XKR9: variants seen among roughly 807,000 people sequenced by gnomAD.
The protein encoded by XKR9 is XK-related protein 9.
In XKR9, 32 loss-of-function variants were observed where a neutral mutation model predicts 32.0. That is an observed-to-expected ratio of 1.00 (90% confidence interval 0.76 to 1.34). The LOEUF is 1.34. XKR9 is among the 40% of genes most tolerant of loss of function. The probability of loss-of-function intolerance (pLI) is 0.00; values close to 1 mark genes in which losing one functional copy is unlikely to be tolerated. For synonymous variants in XKR9, 168 were observed against 143.4 expected, an observed-to-expected ratio of 1.17 and a Z score of -1.22; for missense variants, 546 against 429.7, an observed-to-expected ratio of 1.27 and a Z score of -2.39.
At chr8:70,715,236 T>TA (rs1270885860) in intron 4 of XKR9, among the ~76,000 whole-genome samples, 1 of 152,220 alleles carries the variant, frequency 6.6e-6, no homozygotes, top group Non-Finnish European at 1.5e-5. Flanking sequence ...ATGCTTAAAC[T>TA]AAATGTAGTC....
the XKR9 span, among the ~76,000 whole-genome samples, chr8:70,858,743 C>T: frequency 6.6e-6 from 1 of 152,002 alleles, no homozygotes; most frequent in African/African-American, 2.4e-5. Flanking sequence ...GTATCAAGAA[C>T]ATACAGTGGG....
At chr8:70,673,776 A>G (rs574770330) in intron 1 of XKR9, among the ~76,000 whole-genome samples, 1 of 151,556 alleles carries the variant, frequency 6.6e-6, no homozygotes, top group South Asian at 2.1e-4. Flanking sequence ...AAAAAAAAAA[A>G]GATACAAAAT....
chr8:70,854,467 T>C, the XKR9 span, among the ~76,000 whole-genome samples: 1 of 152,220 alleles, frequency 6.6e-6, no homozygotes, highest in African/African-American at 2.4e-5. Flanking sequence ...TCTCATTTTG[T>C]AGGTTGCCTG....
the XKR9 span, among the ~76,000 whole-genome samples, chr8:71,027,825 T>C: frequency 2.0e-5 from 3 of 148,968 alleles, no homozygotes; most frequent in African/African-American, 7.4e-5. Flanking sequence ...AGGGCAGTGG[T>C]GTGATCAATC....
chr8:70,878,906 T>A, the XKR9 span, among the ~76,000 whole-genome samples: 1 of 152,180 alleles, frequency 6.6e-6, no homozygotes, highest in South Asian at 2.1e-4. Context: ...TAGTTGGAAG[T>A]AAAGCACTCC....
At chr8:70,957,988 A>G in the XKR9 span, among the ~76,000 whole-genome samples, 2 of 151,838 alleles carry the variant, frequency 1.3e-5, no homozygotes, top group African/African-American at 2.4e-5. Flanking sequence ...AGCTTCCACC[A>G]TGTTGGCCAG....
the XKR9 span, among the ~76,000 whole-genome samples, chr8:70,904,688 G>A: frequency 2.6e-5 from 4 of 152,150 alleles, no homozygotes; most frequent in Non-Finnish European, 5.9e-5. Flanking sequence ...TATTTTGCCT[G>A]TTAGTTGATG....
chr8:70,984,674 A>G, the XKR9 span, among the ~76,000 whole-genome samples: 1 of 152,176 alleles, frequency 6.6e-6, no homozygotes, highest in Non-Finnish European at 1.5e-5. Context: ...CTTAGTGTTG[A>G]CCTCATTTGC....
At chr8:70,781,272 G>T (rs184468147) in intron 2 of XKR9, among the ~76,000 whole-genome samples, 3 of 152,014 alleles carry the variant, frequency 2.0e-5, no homozygotes, top group Non-Finnish European at 2.9e-5. Context: ...TGGGTTATTT[G>T]TCTCTTTATT....
intron 2 of XKR9, among the ~76,000 whole-genome samples, chr8:70,776,751 G>A (rs1318554051): frequency 6.6e-6 from 1 of 151,624 alleles, no homozygotes; most frequent in East Asian, 1.9e-4. Flanking sequence ...CAGCATAATT[G>A]TCACCTCGTC....
chr8:70,880,559 T>C, the XKR9 span, among the ~76,000 whole-genome samples: 2 of 152,074 alleles, frequency 1.3e-5, no homozygotes, highest in East Asian at 1.9e-4. Context: ...GGAATCCAAC[T>C]TACAAGGAAT....
chr8:70,849,202 A>T, the XKR9 span, among the ~76,000 whole-genome samples: 5 of 152,104 alleles, frequency 3.3e-5, no homozygotes, highest in Admixed American at 1.3e-4. Context: ...GAAGTAAAAC[A>T]CTCCTCAGCA....
At chr8:70,991,191 G>A in the XKR9 span, among the ~76,000 whole-genome samples, 1 of 152,070 alleles carries the variant, frequency 6.6e-6, no homozygotes, top group Non-Finnish European at 1.5e-5. Context: ...TTGCTGCAGG[G>A]AAATAATCCC....
At chr8:70,696,810 C>T (rs1586825198) in intron 3 of XKR9, among the ~76,000 whole-genome samples, 2 of 151,696 alleles carry the variant, frequency 1.3e-5, no homozygotes, top group African/African-American at 4.8e-5. Flanking sequence ...TCTTCCTATC[C>T]ATGAGCATGG....
chr8:70,965,266 C>G, the XKR9 span, among the ~76,000 whole-genome samples: 2 of 152,058 alleles, frequency 1.3e-5, no homozygotes, highest in Non-Finnish European at 2.9e-5. Flanking sequence ...TTTGTGTATG[C>G]TGAATCAACC....
chr8:70,734,334 C>A lies in XKR9; in HGVS notation c.1032C>A (p.His344Gln), dbSNP rs1442202452. The change falls in exon 5 of 5, where the codon CAC becomes CAA. Residue 344 changes from histidine (H) to glutamine (Q), a missense_variant. Physicochemically the swap from His to Gln is conservative, Grantham distance 24. Transcript: ENST00000408926. The part of the protein sequence containing the change: ...LFLIVYYGSF[H>Q]PNRSAETKCD... ...TTATTGTTTATTATGGGAGTTTTCA[C>A]CCAAACAGAAGTGCAGAAACAAAAT... The A allele has an allele frequency of 2.5e-6, 4 of 1,611,802 alleles. No individual in the cohort carries two copies. Among genetic ancestry groups the A allele is most frequent in the Non-Finnish European group, 3.4e-6 (4 of 1,179,438 alleles).
chr8:71,034,561 A>T, the XKR9 span, among the ~76,000 whole-genome samples: 3 of 152,182 alleles, frequency 2.0e-5, no homozygotes, highest in African/African-American at 7.2e-5. Context: ...TAAGAATCTG[A>T]TTAGTCTAAG....
chr8:70,778,654 G>C (rs1807567791), intron 2 of XKR9, among the ~76,000 whole-genome samples: 1 of 152,104 alleles, frequency 6.6e-6, no homozygotes, highest in African/African-American at 2.4e-5. Flanking sequence ...TCCTTGAAGA[G>C]GTCCTTCACA....
chr8:70,827,857 A>G, the XKR9 span, among the ~76,000 whole-genome samples: 1 of 152,234 alleles, frequency 6.6e-6, no homozygotes, highest in Non-Finnish European at 1.5e-5. Context: ...TGCTTGATTT[A>G]TGGTTTATAT....
Sources: gnomAD v4.1 joint callset for allele counts (sites outside exome capture counted in the v4.1 genomes callset) on GRCh38, gnomAD v4.1.1 for gene constraint, MANE v1.5 for transcripts, NCBI Gene and HGNC (gene_info 2026-07-23, HGNC 2026-07-21) for gene names.